Variants in KAZN observed in about 807,000 individuals in gnomAD.
KAZN encodes the protein kazrin.
In KAZN, 40 loss-of-function variants were observed where a neutral mutation model predicts 87.4. The ratio of observed to expected loss-of-function variants is 0.46; its 90% CI spans 0.36 to 0.60. KAZN has a LOEUF of 0.60. Among genes scored for constraint, KAZN ranks in the 20% least tolerant of loss-of-function variants. The probability of loss-of-function intolerance (pLI) is 0.00; values close to 1 mark genes in which losing one functional copy is unlikely to be tolerated. For synonymous variants in KAZN, 466 were observed against 458.3 expected (o/e 1.02, Z -0.22); for missense variants, 898 against 1,073.9 (o/e 0.84, Z 2.29).
At chr1:14,070,053 C>G (rs1643182914) in intron 1 of KAZN, among the ~76,000 whole-genome samples, 1 of 151,466 alleles carries the variant, frequency 6.6e-6, no homozygotes, top group South Asian at 2.1e-4. Context: ...CCTGTAGTCC[C>G]AGCTACTCGG....
intron 1 of KAZN, among the ~76,000 whole-genome samples, chr1:14,102,220 G>A (rs568299518): frequency 5.9e-5 from 9 of 151,992 alleles, no homozygotes; most frequent in South Asian, 4.2e-4. Flanking sequence ...ATGGGTTTAC[G>A]TGCCCACAGG....
intron 1 of KAZN, among the ~76,000 whole-genome samples, chr1:14,749,965 T>G (rs1346077998): frequency 2.0e-5 from 3 of 152,032 alleles, no homozygotes; most frequent in Non-Finnish European, 4.4e-5. Context: ...GTTACACAAA[T>G]CTATACATGG....
At chr1:14,369,302 G>A (rs774675789) in intron 2 of KAZN, among the ~76,000 whole-genome samples, 3 of 152,132 alleles carry the variant, frequency 2.0e-5, no homozygotes, top group Non-Finnish European at 2.9e-5. Context: ...CAGTTTCCTC[G>A]CTCAATGCCA....
intron 1 of KAZN, among the ~76,000 whole-genome samples, chr1:14,008,958 C>A (rs1640158566): frequency 1.3e-5 from 2 of 152,156 alleles, no homozygotes; most frequent in South Asian, 4.1e-4. Context: ...TAAACAGTAA[C>A]TCCCCATTCC....
intron 1 of KAZN, among the ~76,000 whole-genome samples, chr1:14,005,438 GAGA>G (rs1639995317): frequency 6.6e-6 from 1 of 152,206 alleles, no homozygotes; most frequent in Non-Finnish European, 1.5e-5. Flanking sequence ...TCCCTCTCCA[GAGA>G]AGGGCAGTGC....
chr1:14,551,040 G>C lies in KAZN; in HGVS notation c.250-47943G>C, dbSNP rs1003721061. ...TATTACTTTATCCAGCAAATGGCCT[G>C]GTTAGAAATTGAAATGCAAATAGCT... is the stretch of plus-strand genomic sequence containing the variant. On this transcript the variant is annotated intron_variant, in intron 2 of 16. Coordinates refer to the KAZN transcript ENST00000636203. Among the ~76,000 whole-genome samples, 4 of 151,970 alleles carry C rather than the reference G, an allele frequency of 2.6e-5. No homozygotes were observed. In the East Asian group the frequency reaches 7.7e-4, roughly 29 times the overall value.
chr1:14,638,294 C>T (rs957648441), intron 1 of KAZN, among the ~76,000 whole-genome samples: 1 of 152,070 alleles, frequency 6.6e-6, no homozygotes, highest in Non-Finnish European at 1.5e-5. Context: ...GGTGGTGGGG[C>T]GTGGTGACTC....
intron 2 of KAZN, among the ~76,000 whole-genome samples, chr1:14,411,582 G>T (rs1417466028): frequency 6.6e-6 from 1 of 152,230 alleles, no homozygotes; most frequent in Non-Finnish European, 1.5e-5. Context: ...TTACAGGCGT[G>T]AGCCACCGCG....
At position 15,114,583 on chromosome 1, in the gene KAZN, T is replaced by G; in HGVS notation, c.2276T>G (p.Leu759Arg). The change falls in exon 15 of 15, where the codon CTG becomes CGG. Residue 759 changes from leucine (L) to arginine (R), a missense_variant. Coordinates refer to ENST00000376030, the MANE Select transcript of KAZN (RefSeq NM_201628.3). ...GGAGACGATGACCCCCAGAGCAGGC[T>G]GGAACAGTGCCGTCTGGAAGGCTAC... ...DCGDDDPQSRLEQCRLEGYNS... is the reference protein window; with the variant it reads ...DCGDDDPQSRREQCRLEGYNS... 1 of 1,603,802 alleles carries G rather than the reference T, an allele frequency of 6.2e-7. No individual in the cohort carries two copies. Among genetic ancestry groups the G allele is most frequent in the African/African-American group, 1.3e-5 (1 of 74,856 alleles).
At chr1:15,048,917 G>A (rs1673986165) in intron 4 of KAZN, among the ~76,000 whole-genome samples, 4 of 148,446 alleles carry the variant, frequency 2.7e-5, no homozygotes, top group Admixed American at 6.6e-5. Flanking sequence ...TGGTCATGCC[G>A]TTCAGTGGTT....
At chr1:14,710,953 G>T (rs913309640) in intron 1 of KAZN, among the ~76,000 whole-genome samples, 3 of 152,218 alleles carry the variant, frequency 2.0e-5, no homozygotes, top group Non-Finnish European at 4.4e-5. Flanking sequence ...GGAGGCCAAG[G>T]TGGGAGGATC....
chr1:14,924,793 G>A (rs928483349), intron 1 of KAZN, among the ~76,000 whole-genome samples: 1 of 152,098 alleles, frequency 6.6e-6, no homozygotes, highest in African/African-American at 2.4e-5. Flanking sequence ...GGGCTGCACC[G>A]GGGGGCCAGG....
chr1:14,443,246 A>T (rs1202385848), intron 2 of KAZN, among the ~76,000 whole-genome samples: 1 of 152,238 alleles, frequency 6.6e-6, no homozygotes, highest in Non-Finnish European at 1.5e-5. Flanking sequence ...AATGGGCCCC[A>T]GTGCTCTGCA....
chr1:15,088,378 G>T (rs1233996526), intron 8 of KAZN, among the ~76,000 whole-genome samples: 1 of 152,126 alleles, frequency 6.6e-6, no homozygotes, highest in African/African-American at 2.4e-5. Context: ...TCTGTGGGTG[G>T]GGGGGTGTGC....
intron 2 of KAZN, among the ~76,000 whole-genome samples, chr1:14,545,716 T>TAG (rs1325268405): frequency 2.6e-5 from 4 of 152,164 alleles, no homozygotes; most frequent in Non-Finnish European, 4.4e-5. Context: ...CTCGTCCAGG[T>TAG]AGACAGGGGT....
chr1:14,518,830 G>A (rs532948811), intron 2 of KAZN, among the ~76,000 whole-genome samples: 9 of 152,252 alleles, frequency 5.9e-5, no homozygotes, highest in Non-Finnish European at 1.0e-4. Flanking sequence ...TGCCAAGCAC[G>A]TAGGTGCTCA....
intron 1 of KAZN, among the ~76,000 whole-genome samples, chr1:13,919,078 C>T (rs756777397): frequency 6.6e-6 from 1 of 152,206 alleles, no homozygotes; most frequent in African/African-American, 2.4e-5. Context: ...TGAAGTACAG[C>T]ATTTACTAAT....
At chr1:14,177,795 T>TGTGTGG (rs1491301219) in intron 1 of KAZN, among the ~76,000 whole-genome samples, 84 of 72,286 alleles carry the variant, frequency 1.2e-3, no homozygotes, top group African/African-American at 7.5e-3. Flanking sequence ...TGTGTGTGTG[T>TGTGTGG]TTTTTTTTTT....
chr1:14,382,407 C>T (rs182657809), intron 2 of KAZN, among the ~76,000 whole-genome samples: 42 of 147,844 alleles, frequency 2.8e-4, no homozygotes, highest in Non-Finnish European at 4.9e-4. Context: ...CATGCTGGTG[C>T]GCTGCACCCA....
Sources: allele counts gnomAD v4.1 joint callset (sites outside exome capture counted in the v4.1 genomes callset), GRCh38; gene constraint gnomAD v4.1.1; transcripts MANE v1.5; gene names NCBI Gene and HGNC (gene_info 2026-07-23, HGNC 2026-07-21).